Variants in MINDY4 observed in about 807,000 individuals in gnomAD.
MINDY4 encodes the protein probable ubiquitin carboxyl-terminal hydrolase MINDY-4.
In MINDY4, 68 loss-of-function variants were observed where a neutral mutation model predicts 87.0. That is an observed-to-expected ratio of 0.78 (90% CI 0.64 to 0.96). The LOEUF (loss-of-function observed/expected upper bound fraction) is 0.96, where lower values mean the gene tolerates loss of function less well. MINDY4 is among the 40% of genes least tolerant of loss of function. MINDY4 has a pLI of 0.00. For missense variants in MINDY4, 919 were observed against 928.2 expected, an observed-to-expected ratio of 0.99 and a Z score of 0.13; for synonymous variants, 379 against 363.2, an observed-to-expected ratio of 1.04 and a Z score of -0.50.
intron 15 of MINDY4, among the ~76,000 whole-genome samples, chr7:30,876,059 C>G (rs1425956304): frequency 6.6e-6 from 1 of 152,134 alleles, no homozygotes; most frequent in Admixed American, 6.5e-5. Context: ...ACAACAGAAA[C>G]TTAACTGTCT....
At chr7:30,777,693 C>T (rs541350774) in intron 1 of MINDY4, among the ~76,000 whole-genome samples, 1 of 152,304 alleles carries the variant, frequency 6.6e-6, no homozygotes, top group Non-Finnish European at 1.5e-5. Context: ...ACACCCCTAA[C>T]ACCAGGCTGA....
At chr7:30,853,529 C>G in intron 12 of MINDY4, 70 bp downstream of exon 12, 1 of 1,336,528 alleles carries the variant, frequency 7.5e-7, no homozygotes, top group South Asian at 1.2e-5. Flanking sequence ...GGGAACAATG[C>G]TGTGAACTGG....
chr7:30,817,105 G>A (rs750217842), intron 5 of MINDY4, among the ~76,000 whole-genome samples: 7 of 152,132 alleles, frequency 4.6e-5, no homozygotes, highest in Admixed American at 2.0e-4. Flanking sequence ...AAGCCCCTCC[G>A]GAGGCTCAGA....
At chr7:30,826,354 A>G (rs1483882829) in intron 5 of MINDY4, among the ~76,000 whole-genome samples, 1 of 152,196 alleles carries the variant, frequency 6.6e-6, no homozygotes, top group Middle Eastern at 3.2e-3. Context: ...ATAGCCTCAC[A>G]TGTGTGCTGG....
At chr7:30,789,733 G>A (rs1325072969) in intron 4 of MINDY4, among the ~76,000 whole-genome samples, 1 of 152,100 alleles carries the variant, frequency 6.6e-6, no homozygotes, top group Non-Finnish European at 1.5e-5. Context: ...TTACTATTTG[G>A]TCTTGGATTA....
chr7:30,835,087 G>C (rs537287572), intron 6 of MINDY4, among the ~76,000 whole-genome samples: 2 of 152,312 alleles, frequency 1.3e-5, no homozygotes, highest in African/African-American at 4.8e-5. Flanking sequence ...CTTTTCAGCA[G>C]CGCCCCACTT....
chr7:30,790,229 A>AT lies in MINDY4; in HGVS notation c.664-926dup, dbSNP rs1053366763. 3.6e-4 allele frequency among the ~76,000 whole-genome samples: 54 copies of AT among 150,656 alleles called. No homozygotes were observed. In the East Asian group the frequency reaches 3.7e-3, roughly 10 times the overall value. ...GGCTGGATGTCTTTTGGAATTTATA[A>AT]TTTTTTTTTTAATTTTGGAAAGGAA... On this transcript the variant is annotated intron_variant, in intron 4 of 17. Coordinates refer to ENST00000265299, the MANE Select transcript of MINDY4 (RefSeq NM_032222.3).
chr7:30,807,096 C>G lies in MINDY4; in HGVS notation c.1073+15522C>G, dbSNP rs117108594. 8.6e-3 allele frequency among the ~76,000 whole-genome samples: 1,308 copies of G among 152,330 alleles called. 6 individuals carry two copies. Among genetic ancestry groups the G allele is most frequent in the Middle Eastern group, 0.031 (9 of 294 alleles). Reference sequence around the variant, plus strand: ...TGAGAAGAAAAGGAAATCATGTAAACTGAAAAAGTCCCAGATGGAAACCGA... The same window carrying G: ...TGAGAAGAAAAGGAAATCATGTAAAGTGAAAAAGTCCCAGATGGAAACCGA... On this transcript the variant is annotated intron_variant, in intron 5 of 17. Coordinates refer to ENST00000265299, the MANE Select transcript of MINDY4 (RefSeq NM_032222.3).
intron 12 of MINDY4, chr7:30,858,752 C>G (rs1390030034): frequency 3.0e-6 from 1 of 335,936 alleles, no homozygotes; most frequent in Admixed American, 4.3e-5. Context: ...CTCTGCTGCT[C>G]TTAGCACAGC....
At chr7:30,828,612 A>C in intron 5 of MINDY4, 67 bp from the exon 6 acceptor site, 2 of 1,525,772 alleles carry the variant, frequency 1.3e-6, no homozygotes, top group Non-Finnish European at 1.8e-6. Flanking sequence ...CGCTCTTAAC[A>C]GTCTTCTCTG....
Position 30,791,348 on chromosome 7 carries a change from C to G in MINDY4, c.847C>G (p.Gln283Glu). 6.2e-7 allele frequency: 1 copy of G among 1,614,154 alleles called. No individual in the cohort carries two copies. Among genetic ancestry groups the G allele is most frequent in the Non-Finnish European group, 8.5e-7 (1 of 1,180,030 alleles). Residue 283 changes from glutamine to glutamate, a missense_variant, in exon 5 of 18, where the codon CAG becomes GAG. Transcript: ENST00000265299. ...GCTTAGTGAACTGACCGTAGAAAGG[C>G]AGAAAACCACTGCCAGCAGCCCTCC... is the stretch of plus-strand genomic sequence containing the variant. The part of the protein sequence containing the change: ...GQLSELTVER[Q>E]KTTASSPPHL...
At chr7:30,884,200 A>C (rs1790561255) in intron 17 of MINDY4, among the ~76,000 whole-genome samples, 1 of 152,054 alleles carries the variant, frequency 6.6e-6, no homozygotes, top group Admixed American at 6.5e-5. Context: ...CCTTGAGAGG[A>C]GCTGCAGAGA....
chr7:30,852,289 T>C lies in MINDY4; in HGVS notation c.1611+10T>C, dbSNP rs77249526. On this transcript the variant is annotated intron_variant, in intron 11 of 17. Transcript: ENST00000265299. ...TGGAGTCTTAGAAACAGTACGACTT[T>C]CTGGAAAATTATCACGCAAACTTTG... The C allele has an allele frequency of 1.2e-3, 1,959 of 1,614,048 alleles. 16 individuals are homozygous for C. In the African/African-American group the frequency reaches 0.023, roughly 19 times the overall value.
chr7:30,828,645 C>T, intron 5 of MINDY4, 34 bp from the exon 6 acceptor site: 1 of 1,605,562 alleles, frequency 6.2e-7, no homozygotes. Flanking sequence ...CTCTGTCAGT[C>T]TCCTCTGGTA....
At chr7:30,818,982 A>G (rs968356879) in intron 5 of MINDY4, among the ~76,000 whole-genome samples, 6 of 152,156 alleles carry the variant, frequency 3.9e-5, no homozygotes, top group Admixed American at 6.5e-5. Flanking sequence ...CAATCTTGCC[A>G]AAGGTTTGCC....
intron 3 of MINDY4, among the ~76,000 whole-genome samples, chr7:30,783,119 T>C (rs958599888): frequency 3.3e-5 from 5 of 152,242 alleles, no homozygotes; most frequent in African/African-American, 1.2e-4. Flanking sequence ...CTCACTAGAC[T>C]AAAGGCAAGG....
intron 5 of MINDY4, among the ~76,000 whole-genome samples, chr7:30,817,366 C>CTTTTTTTTTTTTT (rs572880227): frequency 8.8e-6 from 1 of 114,166 alleles, no homozygotes; most frequent in African/African-American, 3.1e-5. Flanking sequence ...TTGGGTTTGT[C>CTTTTTTTTTTTTT]TTTTTTTTTT....
In MINDY4 at chr7:30,785,790, C is replaced by T; in HGVS notation, c.461C>T (p.Ser154Leu). Residue 154 changes from serine to leucine, a missense_variant, in exon 4 of 18, where the codon TCA becomes TTA. By Grantham distance (145) the Ser-to-Leu change is moderately radical. Transcript: ENST00000265299. ...LDGDVLGNFVSSKRPPHKSKP... is the reference protein window; with the variant it reads ...LDGDVLGNFVLSKRPPHKSKP... ...GGAGATGTACTTGGTAATTTTGTAT[C>T]ATCTAAAAGGCCCCCGCACAAAAGT... 1 of 1,614,170 alleles carries T rather than the reference C, an allele frequency of 6.2e-7. No homozygotes were observed. The highest frequency in any genetic ancestry group is 8.5e-7 in the Non-Finnish European group (1 of 1,180,038).
chr7:30,803,393 TAAG>T (rs1385806677), intron 5 of MINDY4: 2 of 152,162 alleles, frequency 1.3e-5, no homozygotes, highest in Non-Finnish European at 1.5e-5. Flanking sequence ...TTCCTTAACT[TAAG>T]AAGTTCATAG....
Sources: gnomAD v4.1 joint callset for allele counts (sites outside exome capture counted in the v4.1 genomes callset) on GRCh38, gnomAD v4.1.1 for gene constraint, MANE v1.5 for transcripts, NCBI Gene and HGNC (gene_info 2026-07-23, HGNC 2026-07-21) for gene names.